Variants in PIK3IP1 observed in about 807,000 individuals in gnomAD.
The protein encoded by PIK3IP1 is phosphoinositide-3-kinase interacting protein 1, also known as phosphoinositide-3-kinase-interacting protein 1.
In PIK3IP1, 28 loss-of-function variants were observed where a neutral mutation model predicts 30.7. The ratio of observed to expected loss-of-function variants is 0.91; its 90% CI spans 0.68 to 1.25. PIK3IP1 has a LOEUF of 1.25. Ranked by LOEUF, PIK3IP1 falls within the 50% of genes most tolerant of loss-of-function variation. The pLI is 0.00. For missense variants in PIK3IP1, 333 were observed against 346.2 expected (o/e 0.96, Z 0.30); for synonymous variants, 159 against 140.8 (o/e 1.13, Z -0.91).
intron 5 of PIK3IP1, among the ~76,000 whole-genome samples, chr22:31,287,640 T>C (rs189824349): frequency 5.3e-4 from 80 of 152,074 alleles, no homozygotes; most frequent in African/African-American, 1.6e-3. Flanking sequence ...ACACATTTTA[T>C]AGAAAAGAAA....
At position 31,291,203 on chromosome 22, in the gene PIK3IP1, C is replaced by T. The variant is rs1300768511; in HGVS notation, c.164G>A (p.Gly55Glu). 6.5e-7 allele frequency: 1 copy of T among 1,548,990 alleles called. No homozygotes were observed. The highest frequency in any genetic ancestry group is 1.2e-5 in the South Asian group (1 of 84,008). ...RCLNWLDAQSGLASAPVSGAG... is the reference protein window; with the variant it reads ...RCLNWLDAQSELASAPVSGAG... ...ACCCGACACGGGGGCCGAGGCCAGC[C>T]CGCTCTGCGCGTCCAGCCAGTTGAG... The change falls in exon 2 of 6, where the codon GGG becomes GAG. Residue 55 changes from glycine (G) to glutamate (E), a missense_variant. Physicochemically the swap from Gly to Glu is moderately conservative, Grantham distance 98. Coordinates refer to ENST00000215912, the MANE Select transcript of PIK3IP1 (RefSeq NM_052880.5).
At position 31,283,140 on chromosome 22, in the gene PIK3IP1, C is replaced by G. The variant is rs2049102696; in HGVS notation, c.736G>C (p.Asp246His). ...VVVHTSQTPVDPQEGTTPLMG... is the reference protein window; with the variant it reads ...VVVHTSQTPVHPQEGTTPLMG... Reference sequence around the variant, plus strand: ...AGGGGGGTGGTGCCCTCCTGAGGGTCAACTGGAGTCTGGCTGGTGTGGACC... The same window carrying G: ...AGGGGGGTGGTGCCCTCCTGAGGGTGAACTGGAGTCTGGCTGGTGTGGACC... The change falls in exon 6 of 6, where the codon GAC (aspartate) becomes CAC (histidine). Residue 246 changes from aspartate (D) to histidine (H), a missense_variant. Asp to His is a moderately conservative substitution (Grantham distance 81). Around this residue, in one of 3 missense-constraint regions of PIK3IP1, gnomAD observed 217 missense variants for 227.7 expected, o/e 0.95. Coordinates refer to ENST00000215912, the MANE Select transcript of PIK3IP1 (RefSeq NM_052880.5). 1 of 1,613,680 alleles carries G rather than the reference C, an allele frequency of 6.2e-7. No individual in the cohort carries two copies. Among genetic ancestry groups the G allele is most frequent in the African/African-American group, 1.3e-5 (1 of 74,934 alleles).
Position 31,282,962 on chromosome 22 carries a change from G to C in PIK3IP1, c.*122C>G. The C allele has an allele frequency of 1.3e-6, 1 of 752,732 alleles. No homozygotes were observed. Among genetic ancestry groups the C allele is most frequent in the Non-Finnish European group, 2.1e-6 (1 of 470,634 alleles). 46.6% of individuals were successfully genotyped at this position (752,732 alleles called of 1,614,324 possible). A position where few individuals can be genotyped will look rare whatever the true frequency, so the allele number is the denominator to read the frequency against. ...GCTTCTGTCACTCTTACTAGGATTC[G>C]CCAAAAAAGCGGGGGAGTGGTAGGG... On this transcript the variant is annotated 3_prime_UTR_variant, in exon 6 of 6. Transcript: ENST00000215912.
At chr22:31,286,155 A>T (rs1243194770) in intron 5 of PIK3IP1, among the ~76,000 whole-genome samples, 3 of 152,152 alleles carry the variant, frequency 2.0e-5, no homozygotes, top group Non-Finnish European at 4.4e-5. Flanking sequence ...AAAAAAAAAA[A>T]TTAAGAAAAA....
intron 3 of PIK3IP1, 144 bp downstream of exon 3, chr22:31,290,821 G>A (rs986636369): frequency 8.0e-7 from 1 of 1,244,468 alleles, no homozygotes; most frequent in Non-Finnish European, 1.1e-6. Context: ...GAGCCCCGCG[G>A]CCTGGAGACA....
intron 2 of PIK3IP1, 29 bp from the exon 3 acceptor site, chr22:31,291,113 C>T (rs1468382399): frequency 6.5e-7 from 1 of 1,543,926 alleles, no homozygotes; most frequent in South Asian, 1.2e-5. Context: ...AAATGTGTGC[C>T]GGGGCTGGCA....
chr22:31,284,711 TAC>T (rs1337553393), intron 5 of PIK3IP1, among the ~76,000 whole-genome samples: 4 of 152,148 alleles, frequency 2.6e-5, no homozygotes, highest in East Asian at 1.9e-4. Context: ...GGTGTTGACT[TAC>T]AGTTTTTCCC....
intron 5 of PIK3IP1, 142 bp from the exon 6 acceptor site, chr22:31,283,430 G>A (rs565813555): frequency 1.2e-5 from 10 of 826,394 alleles, no homozygotes; most frequent in Admixed American, 6.7e-5. Context: ...CCCAAACTCA[G>A]GTCCAGGATT....
intron 5 of PIK3IP1, among the ~76,000 whole-genome samples, chr22:31,286,839 T>C (rs964544307): frequency 2.6e-5 from 4 of 152,170 alleles, no homozygotes; most frequent in Non-Finnish European, 4.4e-5. Context: ...AGGGCCACTA[T>C]GTCATTAACT....
intron 1 of PIK3IP1, among the ~76,000 whole-genome samples, chr22:31,291,712 C>T (rs941206195): frequency 6.6e-6 from 1 of 152,156 alleles, no homozygotes; most frequent in African/African-American, 2.4e-5. Context: ...GGCGCCCAGA[C>T]GTGACATTTG....
At chr22:31,284,929 GA>G (rs2049120048) in intron 5 of PIK3IP1, among the ~76,000 whole-genome samples, 1 of 152,030 alleles carries the variant, frequency 6.6e-6, no homozygotes, top group African/African-American at 2.4e-5. Flanking sequence ...CCCAGCCAGG[GA>G]AAAGCTCCAT....
chr22:31,291,474 C>G (rs902984038), intron 1 of PIK3IP1, among the ~76,000 whole-genome samples, 178 bp from the exon 2 acceptor site: 1 of 149,970 alleles, frequency 6.7e-6, no homozygotes, highest in African/African-American at 2.4e-5. Context: ...CACGCACCCC[C>G]CCCCCCCAAC....
rs773072802 is a variant in PIK3IP1, at chr22:31,289,432, C to A, written c.509-39G>T. 4.4e-6 allele frequency: 7 copies of A among 1,573,702 alleles called. No individual in the cohort carries two copies. In the Admixed American group the frequency reaches 1.1e-4, roughly 25 times the overall value. ...GACACAAGGTCCCATTAGCCACACC[C>A]TAGACAATCAGCAAATGACATCTCT... On this transcript the variant is annotated intron_variant, in intron 4 of 5. Transcript: ENST00000215912.
chr22:31,289,470 ACGAGGG>A (rs767171427), intron 4 of PIK3IP1, 23 bp downstream of exon 4: 1 of 1,548,914 alleles, frequency 6.5e-7, no homozygotes, highest in East Asian at 2.3e-5. Flanking sequence ...ATGAATCCCA[ACGAGGG>A]CAGGGGTGGG....
chr22:31,291,318 G>T (rs574504673), intron 1 of PIK3IP1, 22 bp from the exon 2 acceptor site: 2 of 1,551,116 alleles, frequency 1.3e-6, no homozygotes. Context: ...AGAAGCCCCC[G>T]GACACAGAAT....
Position 31,291,064 on chromosome 22 carries a change from A to G in PIK3IP1, c.208T>C (p.Cys70Arg), listed in dbSNP as rs1293887738. Residue 70 changes from cysteine to arginine, a missense_variant, in exon 3 of 6, where the codon TGC (cysteine) becomes CGC (arginine). Cys to Arg is a radical substitution (Grantham distance 180). Around this residue, in one of 3 missense-constraint regions of PIK3IP1, gnomAD observed 111 missense variants for 100.1 expected, o/e 1.11. Transcript: ENST00000215912. Reference sequence around the variant, plus strand: ...CGCGGGTCCTCGTCCGGGTTTCGGCAGTAACTGTGATTGCCGGCCCCTAAG... The same window carrying G: ...CGCGGGTCCTCGTCCGGGTTTCGGCGGTAACTGTGATTGCCGGCCCCTAAG... ...PVSGAGNHSY[C>R]RNPDEDPRGP... 6 of 1,559,528 alleles carry G rather than the reference A, an allele frequency of 3.8e-6. No homozygotes were observed. The highest frequency in any genetic ancestry group is 4.3e-6 in the Non-Finnish European group (5 of 1,151,182).
At chr22:31,290,782 A>T in intron 3 of PIK3IP1, 183 bp downstream of exon 3, 1 of 859,138 alleles carries the variant, frequency 1.2e-6, no homozygotes, top group Non-Finnish European at 1.7e-6. Flanking sequence ...ATGAGCTCAT[A>T]CGAGTGGCGG....
chr22:31,290,042 T>A (rs1476660891), intron 3 of PIK3IP1: 1 of 250,376 alleles, frequency 4.0e-6, no homozygotes, highest in Non-Finnish European at 7.9e-6. Flanking sequence ...AACCCATGCT[T>A]CCTTTGAGCA....
rs1027032290 is a variant in PIK3IP1, at chr22:31,281,697, T to C, written c.*1387A>G. ...TAAAACATGTATATAGAGAAATGCC[T>C]TTATAGAAAAGTAGAAACCAGTAAT... On this transcript the variant is annotated 3_prime_UTR_variant, in exon 6 of 6. Coordinates refer to ENST00000215912, the MANE Select transcript of PIK3IP1 (RefSeq NM_052880.5). 2 of 152,582 alleles carry C rather than the reference T, an allele frequency of 1.3e-5. No homozygotes were observed. The highest frequency in any genetic ancestry group is 4.8e-5 in the African/African-American group (2 of 41,416). The allele number at this position is 152,582 out of a possible 1,614,324, so 9.5% of individuals were successfully genotyped here. A position where few individuals can be genotyped will look rare whatever the true frequency, so the allele number is the denominator to read the frequency against.
Sources: gnomAD v4.1 joint callset for allele counts (sites outside exome capture counted in the v4.1 genomes callset) on GRCh38, gnomAD v4.1.1 for gene constraint, gnomAD v4.1.1 regional missense constraint, MANE v1.5 for transcripts, NCBI Gene and HGNC (gene_info 2026-07-23, HGNC 2026-07-21) for gene names.